NAV3: variants seen among roughly 807,000 people sequenced by gnomAD.
NAV3 encodes the protein pore membrane and/or filament interacting like protein 1.
In NAV3, 87 loss-of-function variants were observed where a neutral mutation model predicts 244.7. The observed-to-expected ratio is 0.36, with a 90% confidence interval of 0.30 to 0.42. The LOEUF (loss-of-function observed/expected upper bound fraction) is 0.42. NAV3 is among the 20% of genes least tolerant of loss of function. The pLI is 1.00. For synonymous variants in NAV3, 1,126 were observed against 1,042.2 expected (o/e 1.08, Z -1.55); for missense variants, 2,663 against 2,893.3 (o/e 0.92, Z 1.83).
intron 24 of NAV3, among the ~76,000 whole-genome samples, chr12:78,172,656 C>A (rs148301344): frequency 2.2e-4 from 33 of 151,630 alleles, no homozygotes; most frequent in Middle Eastern, 3.4e-3. Context: ...TTGTCAATCA[C>A]TTTATAAGTA....
intron 2 of NAV3, among the ~76,000 whole-genome samples, chr12:77,597,776 C>A (rs1209846789): frequency 6.6e-6 from 1 of 151,988 alleles, no homozygotes; most frequent in Non-Finnish European, 1.5e-5. Context: ...TAAAGCAGCA[C>A]CCAAGTCAAC....
chr12:77,992,451 A>G (rs372699666), intron 5 of NAV3, among the ~76,000 whole-genome samples: 2 of 152,186 alleles, frequency 1.3e-5, no homozygotes, highest in Non-Finnish European at 2.9e-5. Context: ...AGCCTATATT[A>G]TTAGGAAAAT....
At position 77,933,825 on chromosome 12, in the gene NAV3, A is replaced by C. The variant is rs1242522567; in HGVS notation, c.244-6494A>C. On this transcript the variant is annotated intron_variant, in intron 1 of 39. Transcript: ENST00000397909. ...CAACTGCAGATCCAGTCTGTGATCA[A>C]CTTTTCAAAACATCTAAAAATAGTA... 5.9e-5 allele frequency among the ~76,000 whole-genome samples: 9 copies of C among 152,232 alleles called. No individual in the cohort carries two copies. In the East Asian group the frequency reaches 1.7e-3, roughly 29 times the overall value.
At chr12:77,907,277 G>A (rs532770351) in intron 1 of NAV3, among the ~76,000 whole-genome samples, 2 of 152,250 alleles carry the variant, frequency 1.3e-5, no homozygotes, top group South Asian at 2.1e-4. Flanking sequence ...CAGGTAACAT[G>A]TATGTATTCC....
At position 78,199,194 on chromosome 12, in the gene NAV3, A is replaced by T. The variant is rs750379092; in HGVS notation, c.6519-141A>T. 48 of 753,272 alleles carry T rather than the reference A, an allele frequency of 6.4e-5. 1 individual carries two copies. The highest frequency in any genetic ancestry group is 1.1e-4 in the Non-Finnish European group (47 of 441,896). The allele number at this position is 753,272 out of a possible 1,614,324, so 46.7% of individuals were successfully genotyped here. A position where few individuals can be genotyped will look rare whatever the true frequency, so the allele number is the denominator to read the frequency against. ...CCTCCTAACACCTTTGATCATGAAA[A>T]GGTGGCCACCAATTGAAATGGGAAC... is the stretch of plus-strand genomic sequence containing the variant. On this transcript the variant is annotated intron_variant, in intron 36 of 39. Transcript: ENST00000397909.
chr12:78,149,912 A>G (rs1957009725), intron 22 of NAV3, among the ~76,000 whole-genome samples: 4 of 152,168 alleles, frequency 2.6e-5, no homozygotes, highest in African/African-American at 9.6e-5. Context: ...TTCATTCACG[A>G]TGTATTCATT....
At chr12:78,045,756 A>C (rs1881681425) in intron 9 of NAV3, among the ~76,000 whole-genome samples, 3 of 152,220 alleles carry the variant, frequency 2.0e-5, no homozygotes, top group Admixed American at 6.5e-5. Flanking sequence ...AAAATGAGTT[A>C]GGGAGGTGTC....
At chr12:77,994,180 G>T (rs1435757799) in intron 5 of NAV3, among the ~76,000 whole-genome samples, 1 of 152,198 alleles carries the variant, frequency 6.6e-6, no homozygotes. Context: ...TGTTTATGAA[G>T]AACTTAAGCC....
intron 5 of NAV3, among the ~76,000 whole-genome samples, chr12:77,986,317 G>A (rs947141692): frequency 1.6e-4 from 24 of 152,266 alleles, no homozygotes; most frequent in Admixed American, 5.9e-4. Context: ...AGCCGAGATC[G>A]TGCCACTGCA....
At chr12:77,666,252 T>C (rs756129125) in intron 2 of NAV3, among the ~76,000 whole-genome samples, 5 of 149,982 alleles carry the variant, frequency 3.3e-5, no homozygotes, top group Non-Finnish European at 5.9e-5. Flanking sequence ...TAATAATATC[T>C]CTTCTAATTA....
rs1210304165 is a variant in NAV3 at position 78,006,801 on chromosome 12, T to C, written c.1263T>C (p.Gly421=). 6.2e-7 allele frequency: 1 copy of C among 1,613,878 alleles called. No homozygotes were observed. The highest frequency in any genetic ancestry group is 1.3e-5 in the African/African-American group (1 of 74,850). ...ATGATGATGCCTTTTCTGAATCTGG[T>C]GAAATGGAAGGTTTTAACAGTGGTC... is the stretch of plus-strand genomic sequence containing the variant. The part of the protein sequence containing the change: ...GKDDDAFSES[G]EMEGFNSGLN... Residue 421 remains glycine, a synonymous_variant, in exon 8 of 40, where the codon GGT becomes GGC. Transcript: ENST00000397909.
chr12:77,576,292 A>G (rs1391849124), intron 2 of NAV3, among the ~76,000 whole-genome samples: 2 of 151,468 alleles, frequency 1.3e-5, no homozygotes, highest in Non-Finnish European at 1.5e-5. Context: ...TTTTTTTTGG[A>G]CTGAAAATCA....
intron 1 of NAV3, among the ~76,000 whole-genome samples, chr12:77,909,329 A>T (rs1326001535): frequency 6.6e-6 from 1 of 152,020 alleles, no homozygotes; most frequent in Non-Finnish European, 1.5e-5. Flanking sequence ...CAATTTGGGG[A>T]GAGCTTTGTC....
chr12:78,140,884 T>TTTTA (rs893057593), intron 20 of NAV3, among the ~76,000 whole-genome samples: 13 of 151,294 alleles, frequency 8.6e-5, no homozygotes, highest in East Asian at 5.8e-4. Flanking sequence ...TTTTATTTTA[T>TTTTA]TTTATTTATT....
At chr12:77,706,870 CAAAAAAAAAA>C (rs34067727) in intron 2 of NAV3, among the ~76,000 whole-genome samples, 2 of 68,036 alleles carry the variant, frequency 2.9e-5, no homozygotes, top group Non-Finnish European at 4.9e-5. Flanking sequence ...GACTCTGTTT[CAAAAAAAAAA>C]AAAAAAAAAA....
At chr12:77,660,761 G>T (rs1370611717) in intron 2 of NAV3, among the ~76,000 whole-genome samples, 1 of 151,992 alleles carries the variant, frequency 6.6e-6, no homozygotes, top group Non-Finnish European at 1.5e-5. Flanking sequence ...GTCATTTATT[G>T]TTTCCATCCC....
intron 1 of NAV3, among the ~76,000 whole-genome samples, chr12:77,932,169 TA>T (rs1400428811): frequency 6.6e-6 from 1 of 152,170 alleles, no homozygotes; most frequent in African/African-American, 2.4e-5. Flanking sequence ...GGTCTCAACA[TA>T]AGTATATATA....
intron 2 of NAV3, among the ~76,000 whole-genome samples, chr12:77,805,252 A>G (rs561244863): frequency 6.6e-6 from 1 of 152,348 alleles, no homozygotes; most frequent in East Asian, 1.9e-4. Context: ...GCAGGTTTTC[A>G]AAGGAAATGC....
At chr12:77,660,478 C>G (rs1592553375) in intron 2 of NAV3, among the ~76,000 whole-genome samples, 2 of 152,134 alleles carry the variant, frequency 1.3e-5, no homozygotes, top group East Asian at 3.9e-4. Context: ...TTTTTATATT[C>G]CAAGTGTTTC....
Sources: allele counts gnomAD v4.1 joint callset (sites outside exome capture counted in the v4.1 genomes callset), GRCh38; gene constraint gnomAD v4.1.1; transcripts MANE v1.5; gene names NCBI Gene and HGNC (gene_info 2026-07-23, HGNC 2026-07-21).